Variants in FILIP1L observed in about 807,000 individuals in gnomAD.
FILIP1L encodes the protein filamin A interacting protein 1 like, also known as filamin A-interacting protein 1-like.
A neutral mutation model predicts 96.6 loss-of-function variants in FILIP1L; 55 were observed. The ratio of observed to expected loss-of-function variants is 0.57; its 90% confidence interval spans 0.46 to 0.71. The LOEUF is 0.71. FILIP1L is among the 30% of genes least tolerant of loss of function. The pLI is 0.00. For missense variants in FILIP1L, 1,304 were observed against 1,321.2 expected (o/e 0.99, Z 0.20); for synonymous variants, 467 against 473.9 (o/e 0.99, Z 0.19).
chr3:99,832,868 T>G (rs1204992540), intron 5 of FILIP1L, among the ~76,000 whole-genome samples: 9 of 149,772 alleles, frequency 6.0e-5, no homozygotes, highest in East Asian at 2.0e-4. Context: ...GTTGTTTTTT[T>G]TTTTTTTCTT....
chr3:100,032,796 A>T (rs2107265161), intron 1 of FILIP1L, among the ~76,000 whole-genome samples: 1 of 152,344 alleles, frequency 6.6e-6, no homozygotes, highest in South Asian at 2.1e-4. Context: ...TGTGTAACAA[A>T]GGACCATTAA....
intron 1 of FILIP1L, among the ~76,000 whole-genome samples, chr3:100,110,610 G>C (rs1402069841): frequency 6.6e-6 from 1 of 152,134 alleles, no homozygotes; most frequent in African/African-American, 2.4e-5. Flanking sequence ...GTATTTGCTT[G>C]GTCATAGCTA....
intron 1 of FILIP1L, among the ~76,000 whole-genome samples, chr3:100,063,512 A>G (rs2065610049): frequency 6.6e-6 from 1 of 152,190 alleles, no homozygotes; most frequent in African/African-American, 2.4e-5. Context: ...GAAAAACTTT[A>G]TAAATCAAAT....
intron 1 of FILIP1L, among the ~76,000 whole-genome samples, chr3:99,988,388 C>T (rs1453646345): frequency 6.7e-6 from 1 of 149,362 alleles, no homozygotes; most frequent in Admixed American, 6.7e-5. Context: ...TGGCATGTGC[C>T]TGTAGTCCCA....
At chr3:99,960,987 A>G (rs377441677) in intron 1 of FILIP1L, among the ~76,000 whole-genome samples, 3 of 152,306 alleles carry the variant, frequency 2.0e-5, no homozygotes, top group South Asian at 4.1e-4. Context: ...GGGTGTGTGC[A>G]TGCGTGTGTG....
At chr3:100,031,787 G>T (rs1359957904) in intron 1 of FILIP1L, among the ~76,000 whole-genome samples, 1 of 152,080 alleles carries the variant, frequency 6.6e-6, no homozygotes, top group Non-Finnish European at 1.5e-5. Context: ...CCCCACTAGG[G>T]CAGTGTCAAC....
At chr3:100,025,090 CTT>C (rs1346097780) in intron 1 of FILIP1L, among the ~76,000 whole-genome samples, 5 of 152,166 alleles carry the variant, frequency 3.3e-5, no homozygotes, top group Admixed American at 6.5e-5. Flanking sequence ...AAAACAGACT[CTT>C]TGTTATTGTA....
intron 1 of FILIP1L, among the ~76,000 whole-genome samples, chr3:100,044,627 C>T (rs1281323629): frequency 6.6e-5 from 10 of 152,180 alleles, no homozygotes; most frequent in Admixed American, 6.5e-4. Flanking sequence ...TATACAGGGC[C>T]TTATAGGCAC....
chr3:100,108,592 A>G (rs890264711), intron 1 of FILIP1L, among the ~76,000 whole-genome samples: 1 of 152,182 alleles, frequency 6.6e-6, no homozygotes, highest in African/African-American at 2.4e-5. Flanking sequence ...CATGTATTCA[A>G]TTCAAACAGT....
chr3:99,948,281 C>T (rs1187399018), intron 1 of FILIP1L, among the ~76,000 whole-genome samples: 3 of 151,836 alleles, frequency 2.0e-5, no homozygotes, highest in African/African-American at 7.3e-5. Context: ...TCACTTGAGC[C>T]CCGGAGTTTG....
intron 4 of FILIP1L, among the ~76,000 whole-genome samples, chr3:99,861,017 C>T (rs912469182): frequency 8.5e-5 from 13 of 152,132 alleles, no homozygotes; most frequent in African/African-American, 2.9e-4. Context: ...ACTGTGAATA[C>T]ACTGCTGTGC....
intron 1 of FILIP1L, among the ~76,000 whole-genome samples, chr3:100,095,228 T>G (rs972237247): frequency 4.9e-4 from 75 of 152,302 alleles, no homozygotes; most frequent in African/African-American, 1.7e-3. Context: ...CCTTTCCCTT[T>G]CCATATAAAT....
chr3:99,876,144 T>G (rs1705505323), intron 4 of FILIP1L: 31 of 986,142 alleles, frequency 3.1e-5, no homozygotes, highest in Non-Finnish European at 3.7e-5. Flanking sequence ...GAGCCGACTG[T>G]GCGCGCTCCG....
chr3:99,838,493 A>G (rs951571787), intron 5 of FILIP1L, among the ~76,000 whole-genome samples: 3 of 152,220 alleles, frequency 2.0e-5, no homozygotes, highest in Non-Finnish European at 1.5e-5. Flanking sequence ...AAAGCCCTGC[A>G]TATGTTTAGG....
At chr3:99,945,872 C>T (rs1246893961) in intron 1 of FILIP1L, among the ~76,000 whole-genome samples, 1 of 152,198 alleles carries the variant, frequency 6.6e-6, no homozygotes, top group African/African-American at 2.4e-5. Flanking sequence ...AACCTCTTGT[C>T]ACAGAGCCAG....
intron 1 of FILIP1L, among the ~76,000 whole-genome samples, chr3:99,972,886 T>C (rs1329087092): frequency 6.6e-6 from 1 of 152,230 alleles, no homozygotes; most frequent in Non-Finnish European, 1.5e-5. Context: ...ATGTAAATAA[T>C]GAACTCCTTT....
chr3:99,984,127 A>C (rs1421581066), intron 1 of FILIP1L, among the ~76,000 whole-genome samples: 1 of 151,584 alleles, frequency 6.6e-6, no homozygotes, highest in Non-Finnish European at 1.5e-5. Flanking sequence ...GAAATAATTG[A>C]TCCATAGTTC....
intron 1 of FILIP1L, among the ~76,000 whole-genome samples, chr3:100,074,261 G>C (rs570186336): frequency 6.6e-6 from 1 of 152,172 alleles, no homozygotes; most frequent in South Asian, 2.1e-4. Context: ...AGAGCTCTTC[G>C]CTGCTTTCCC....
intron 1 of FILIP1L, among the ~76,000 whole-genome samples, chr3:99,981,865 A>G (rs1471488240): frequency 6.6e-6 from 1 of 152,188 alleles, no homozygotes; most frequent in Non-Finnish European, 1.5e-5. Flanking sequence ...ACGGCCAGGC[A>G]TGGTGGCTCA....
Sources: gnomAD v4.1 joint callset for allele counts (sites outside exome capture counted in the v4.1 genomes callset) on GRCh38, gnomAD v4.1.1 for gene constraint, MANE v1.5 for transcripts, NCBI Gene and HGNC (gene_info 2026-07-23, HGNC 2026-07-21) for gene names.